Variants in ZNG1B observed in about 807,000 individuals in gnomAD.
The protein encoded by ZNG1B is Zn regulated GTPase metalloprotein activator 1B.
At chr2:113,455,878 C>A in the ZNG1B span, among the ~76,000 whole-genome samples, 1 of 135,042 alleles carries the variant, frequency 7.4e-6, no homozygotes, top group East Asian at 2.4e-4. Flanking sequence ...ACCACCATGC[C>A]CAGCTAATTT....
chr2:113,481,142 A>G, the ZNG1B span, among the ~76,000 whole-genome samples: 2 of 146,538 alleles, frequency 1.4e-5, no homozygotes, highest in African/African-American at 2.5e-5. Flanking sequence ...TTGTCCAACA[A>G]CATTAAATAC....
chr2:113,445,799 T>TTA, the ZNG1B span, among the ~76,000 whole-genome samples: 2 of 120,896 alleles, frequency 1.7e-5, no homozygotes, highest in Non-Finnish European at 3.3e-5. Flanking sequence ...TACCATTATT[T>TTA]TTTTTTTTTT....
At chr2:113,476,339 A>G in the ZNG1B span, among the ~76,000 whole-genome samples, 1 of 151,100 alleles carries the variant, frequency 6.6e-6, no homozygotes, top group Admixed American at 6.6e-5. Context: ...TTTCAGCTCC[A>G]TCAGCTCCTT....
chr2:113,487,723 C>T, the ZNG1B span, among the ~76,000 whole-genome samples: 1 of 150,390 alleles, frequency 6.6e-6, no homozygotes, highest in Non-Finnish European at 1.5e-5. Flanking sequence ...TTTAAGGATA[C>T]ATAATATTTG....
At chr2:113,481,922 A>G in the ZNG1B span, 1 of 465,284 alleles carries the variant, frequency 2.1e-6, no homozygotes, top group Non-Finnish European at 3.8e-6. Context: ...AGTGTTGCTA[A>G]AAGACTAGTT....
chr2:113,472,645 G>C, the ZNG1B span, among the ~76,000 whole-genome samples: 5 of 151,982 alleles, frequency 3.3e-5, no homozygotes, highest in African/African-American at 1.2e-4. Context: ...TTTAATCCAT[G>C]TTGAATTGAT....
At chr2:113,471,572 G>T in the ZNG1B span, among the ~76,000 whole-genome samples, 3 of 151,066 alleles carry the variant, frequency 2.0e-5, no homozygotes, top group Non-Finnish European at 4.4e-5. Context: ...ATGCTGGTGC[G>T]CTGCACCCAC....
the ZNG1B span, among the ~76,000 whole-genome samples, chr2:113,477,125 C>T: frequency 3.9e-5 from 6 of 152,226 alleles, no homozygotes; most frequent in African/African-American, 7.2e-5. Flanking sequence ...GCCTCGCTGC[C>T]GCCTTGTAGT....
the ZNG1B span, among the ~76,000 whole-genome samples, chr2:113,467,063 C>CAAA: frequency 2.1e-4 from 13 of 63,236 alleles, no homozygotes; most frequent in African/African-American, 8.8e-4. Context: ...GACTCTGTCT[C>CAAA]AAAAAAAAAA....
chr2:113,484,602 A>G, the ZNG1B span, among the ~76,000 whole-genome samples: 1 of 152,206 alleles, frequency 6.6e-6, no homozygotes, highest in Non-Finnish European at 1.5e-5. Flanking sequence ...TAAAGCATGC[A>G]AATGTGTAAT....
At chr2:113,446,337 T>C in the ZNG1B span, among the ~76,000 whole-genome samples, 1 of 152,208 alleles carries the variant, frequency 6.6e-6, no homozygotes, top group African/African-American at 2.4e-5. Flanking sequence ...CTTCTAACTT[T>C]CTTTACAATA....
At chr2:113,487,489 A>C in the ZNG1B span, among the ~76,000 whole-genome samples, 1 of 152,088 alleles carries the variant, frequency 6.6e-6, no homozygotes, top group African/African-American at 2.4e-5. Flanking sequence ...AGAACTTTTC[A>C]TCTTGCATGA....
chr2:113,473,843 G>C, the ZNG1B span, among the ~76,000 whole-genome samples: 10 of 143,304 alleles, frequency 7.0e-5, no homozygotes, highest in Non-Finnish European at 1.2e-4. Context: ...AAGCCCACTT[G>C]ATCATGGTGG....
the ZNG1B span, among the ~76,000 whole-genome samples, chr2:113,475,386 T>G: frequency 6.6e-6 from 1 of 152,034 alleles, no homozygotes; most frequent in Non-Finnish European, 1.5e-5. Context: ...TGTGTGTCTC[T>G]GCACGTGAGA....
the ZNG1B span, among the ~76,000 whole-genome samples, chr2:113,440,410 C>T: frequency 6.6e-6 from 1 of 151,840 alleles, no homozygotes; most frequent in Admixed American, 6.6e-5. Flanking sequence ...CTGTGAAACA[C>T]TCATGTTCAG....
chr2:113,442,704 A>C, the ZNG1B span, among the ~76,000 whole-genome samples: 1 of 152,112 alleles, frequency 6.6e-6, no homozygotes, highest in African/African-American at 2.4e-5. Flanking sequence ...TTCTGTATAT[A>C]GTCCGAATTC....
At chr2:113,473,779 T>A in the ZNG1B span, among the ~76,000 whole-genome samples, 1 of 148,486 alleles carries the variant, frequency 6.7e-6, no homozygotes, top group Admixed American at 6.8e-5. Context: ...GTTTATATGC[T>A]GGATTACATG....
chr2:113,448,988 A>G, the ZNG1B span, among the ~76,000 whole-genome samples: 1 of 152,124 alleles, frequency 6.6e-6, no homozygotes, highest in Non-Finnish European at 1.5e-5. Flanking sequence ...TCTTCTAGGT[A>G]GTTTACTACA....
chr2:113,468,043 T>TA, the ZNG1B span, among the ~76,000 whole-genome samples: 1 of 151,942 alleles, frequency 6.6e-6, no homozygotes, highest in Admixed American at 6.6e-5. Flanking sequence ...CTCCGAGGTA[T>TA]AGGAAATACA....
Sources: gnomAD v4.1 joint callset for allele counts (sites outside exome capture counted in the v4.1 genomes callset) on GRCh38, gnomAD v4.1.1 for gene constraint, MANE v1.5 for transcripts, NCBI Gene and HGNC (gene_info 2026-07-23, HGNC 2026-07-21) for gene names.